Variants in TLDC2 observed in about 807,000 individuals in gnomAD.
TLDC2 encodes the protein TBC/LysM-associated domain containing 2.
TLDC2 carries 23 observed loss-of-function variants against 27.9 expected under a neutral mutation model. That is an observed-to-expected ratio of 0.82 (90% CI 0.59 to 1.17). The LOEUF is 1.17. Ranked by LOEUF, TLDC2 falls within the 50% of genes most tolerant of loss-of-function variation. TLDC2 has a pLI of 0.00. For synonymous variants in TLDC2, 124 were observed against 107.4 expected (o/e 1.16, Z -0.96); for missense variants, 286 against 273.4 (o/e 1.05, Z -0.32).
chr20:36,880,070 CATATATATATATATATAT>C (rs1186641126), intron 3 of TLDC2, among the ~76,000 whole-genome samples: 4 of 73,054 alleles, frequency 5.5e-5, no homozygotes, highest in Non-Finnish European at 1.1e-4. Context: ...TATATATATA[CATATATATATATATATAT>C]ATATATATAT....
At chr20:36,887,388 G>C in intron 4 of TLDC2, 67 bp from the exon 5 acceptor site, 1 of 1,417,142 alleles carries the variant, frequency 7.1e-7, no homozygotes, top group South Asian at 1.2e-5. Flanking sequence ...CCAGTGGTTC[G>C]GGGTCAAACT....
intron 2 of TLDC2, 31 bp downstream of exon 2, chr20:36,878,085 C>A: frequency 6.3e-7 from 1 of 1,594,970 alleles, no homozygotes. Flanking sequence ...ACAAGAATTT[C>A]AGCCCTAAAC....
At position 36,893,317 on chromosome 20, in the gene TLDC2, ACC is replaced by A; in HGVS notation, c.*474_*475del. 1 of 550,552 alleles carries A rather than the reference ACC, an allele frequency of 1.8e-6. No homozygotes were observed. The highest frequency in any genetic ancestry group is 2.0e-5 in the South Asian group (1 of 49,086). 34.1% of individuals were successfully genotyped at this position (550,552 alleles called of 1,614,324 possible). On this transcript the variant is annotated 3_prime_UTR_variant, in exon 7 of 7. Coordinates refer to ENST00000217320, the MANE Select transcript of TLDC2 (RefSeq NM_080628.3). Reference sequence around the variant, plus strand: ...CTGCAGAGATGACTGGGAGCAGCATACCACTGCCCACCTCTATGGCCTCCTTC... The same window carrying A: ...CTGCAGAGATGACTGGGAGCAGCATAACTGCCCACCTCTATGGCCTCCTTC...
chr20:36,889,232 A>T lies in TLDC2; in HGVS notation c.513-19A>T, dbSNP rs1330031876. 4 of 1,613,422 alleles carry T rather than the reference A, an allele frequency of 2.5e-6. No individual in the cohort carries two copies. The highest frequency in any genetic ancestry group is 3.4e-6 in the Non-Finnish European group (4 of 1,179,670). On this transcript the variant is annotated intron_variant, in intron 5 of 6. Transcript: ENST00000217320. Reference sequence around the variant, plus strand: ...GCACACAGGAGTGAGCCGCACCAAGACTGTCCTCTTCTCTCTAGTGGCCGG... The same window carrying T: ...GCACACAGGAGTGAGCCGCACCAAGTCTGTCCTCTTCTCTCTAGTGGCCGG...
chr20:36,880,077 A>ATATATATATATATG (rs1555828538), intron 3 of TLDC2, among the ~76,000 whole-genome samples: 2 of 40,486 alleles, frequency 4.9e-5, no homozygotes, highest in Non-Finnish European at 7.2e-5. Context: ...ATACATATAT[A>ATATATATATATATG]TATATATATA....
intron 6 of TLDC2, chr20:36,890,427 C>CTTTTCTT (rs1568754796): frequency 8.7e-6 from 1 of 114,616 alleles, no homozygotes; most frequent in African/African-American, 3.5e-5. Flanking sequence ...TCTTTTCTTT[C>CTTTTCTT]TCTCTTTCCT....
In TLDC2 at chr20:36,893,096, T is replaced by C. The variant is rs368771802; in HGVS notation, c.*252T>C. On this transcript the variant is annotated 3_prime_UTR_variant, in exon 7 of 7. Transcript: ENST00000217320. Reference sequence around the variant, plus strand: ...TAGGAAGAGAGAGAAAAACAGGCAATAGAGAAAAGCCAGTTTCCATCATCT... The same window carrying C: ...TAGGAAGAGAGAGAAAAACAGGCAACAGAGAAAAGCCAGTTTCCATCATCT... 2.1e-5 allele frequency: 34 copies of C among 1,609,648 alleles called. 1 individual carries two copies. The African/African-American group carries it at 4.1e-4, about 20-fold the overall frequency.
chr20:36,882,860 G>T (rs1012152714), intron 4 of TLDC2, among the ~76,000 whole-genome samples: 1 of 152,186 alleles, frequency 6.6e-6, no homozygotes, highest in Non-Finnish European at 1.5e-5. Flanking sequence ...TAAAGGTCTA[G>T]AATTTTCCTT....
intron 4 of TLDC2, among the ~76,000 whole-genome samples, chr20:36,881,379 C>CA (rs11295785): frequency 2.2e-3 from 266 of 118,706 alleles, no homozygotes; most frequent in Middle Eastern, 4.6e-3. Context: ...GACCCTGTCT[C>CA]AAAAAAAAAA....
In TLDC2 at chr20:36,877,958, G is replaced by C. The variant is rs750912083; in HGVS notation, c.93G>C (p.Glu31Asp). 6 of 1,614,102 alleles carry C rather than the reference G, an allele frequency of 3.7e-6. No homozygotes were observed. The highest frequency in any genetic ancestry group is 1.7e-4 in the Middle Eastern group (1 of 6,052). ...AGGGTAACGAAGAGGAAGAGGAGGA[G>C]GAGGCAGCTCCAGACCCAGCTGCTG... ...GEEGNEEEEEEEAAPDPAAAP... is the reference protein window; with the variant it reads ...GEEGNEEEEEDEAAPDPAAAP... The change falls in exon 2 of 7, where the codon GAG becomes GAC. Residue 31 changes from glutamate (E) to aspartate (D), a missense_variant. Transcript: ENST00000217320.
chr20:36,878,361 G>A (rs958467311), intron 2 of TLDC2, among the ~76,000 whole-genome samples: 7 of 152,224 alleles, frequency 4.6e-5, no homozygotes, highest in South Asian at 2.1e-4. Context: ...CAGGGGGATC[G>A]CTTGAGGCCA....
chr20:36,886,122 T>C (rs934484428), intron 4 of TLDC2, among the ~76,000 whole-genome samples: 4 of 152,148 alleles, frequency 2.6e-5, no homozygotes, highest in Non-Finnish European at 5.9e-5. Flanking sequence ...TTTTTAAGTT[T>C]TGACAGTTTT....
At chr20:36,877,024 C>A (rs1457265128) in intron 1 of TLDC2, among the ~76,000 whole-genome samples, 4 of 152,164 alleles carry the variant, frequency 2.6e-5, no homozygotes, top group South Asian at 4.1e-4. Context: ...CTGCATGCAT[C>A]ATTTCACGGG....
intron 4 of TLDC2, among the ~76,000 whole-genome samples, chr20:36,882,840 C>T (rs568545000): frequency 6.6e-6 from 1 of 152,312 alleles, no homozygotes; most frequent in East Asian, 1.9e-4. Flanking sequence ...GAACTTAAGT[C>T]TCAGAATTCT....
chr20:36,886,844 T>A lies in TLDC2; in HGVS notation c.439-611T>A, dbSNP rs983365960. ...TGGCCATTGTTAAGGAGTTGAATTT[T>A]ATCCCCATTGCAATGGGAAGCCATT... On this transcript the variant is annotated intron_variant, in intron 4 of 6. Transcript: ENST00000217320. 5.9e-5 allele frequency among the ~76,000 whole-genome samples: 9 copies of A among 152,164 alleles called. No homozygotes were observed. The East Asian group carries it at 1.7e-3, about 29-fold the overall frequency.
At chr20:36,878,383 C>T (rs967674493) in intron 2 of TLDC2, among the ~76,000 whole-genome samples, 6 of 152,166 alleles carry the variant, frequency 3.9e-5, no homozygotes, top group African/African-American at 1.2e-4. Context: ...GAGCTGGAGA[C>T]GAGCCTGGCC....
intron 6 of TLDC2, chr20:36,892,449 C>T: frequency 5.2e-6 from 1 of 193,556 alleles, no homozygotes; most frequent in Non-Finnish European, 1.1e-5. Flanking sequence ...CAATTTGTAC[C>T]CTTGTCTCAT....
At chr20:36,887,943 A>C (rs1430158718) in intron 5 of TLDC2, among the ~76,000 whole-genome samples, 1 of 152,148 alleles carries the variant, frequency 6.6e-6, no homozygotes, top group Non-Finnish European at 1.5e-5. Flanking sequence ...AGTTGATCTC[A>C]TCCTGGTGTG....
intron 3 of TLDC2, 39 bp from the exon 4 acceptor site, chr20:36,880,616 G>C (rs1989791959): frequency 6.4e-7 from 1 of 1,572,322 alleles, no homozygotes; most frequent in African/African-American, 1.3e-5. Flanking sequence ...AGGACCCCTA[G>C]CTCCCTTCCA....
Sources: gnomAD v4.1 joint callset for allele counts (sites outside exome capture counted in the v4.1 genomes callset) on GRCh38, gnomAD v4.1.1 for gene constraint, MANE v1.5 for transcripts, NCBI Gene and HGNC (gene_info 2026-07-23, HGNC 2026-07-21) for gene names.